TAFA2: variants seen among roughly 807,000 people sequenced by gnomAD.
TAFA2 encodes chemokine-like protein TAFA-2.
Under a neutral mutation model 18.8 loss-of-function variants are expected in TAFA2, and 7 were observed. That is an observed-to-expected ratio of 0.37 (90% CI 0.21 to 0.70). The LOEUF is 0.70. Ranked by LOEUF, TAFA2 falls within the 30% of genes least tolerant of loss-of-function variation. The pLI is 0.53. For missense variants in TAFA2, 122 were observed against 158.1 expected (o/e 0.77, Z 1.23); for synonymous variants, 60 against 54.2 (o/e 1.11, Z -0.47).
At chr12:62,181,128 C>T (rs2062549035) in intron 1 of TAFA2, among the ~76,000 whole-genome samples, 1 of 152,140 alleles carries the variant, frequency 6.6e-6, no homozygotes, top group Non-Finnish European at 1.5e-5. Flanking sequence ...GGGTGTAGGT[C>T]AGAAAAACTG....
chr12:62,079,307 T>C (rs1428748931), intron 1 of TAFA2, among the ~76,000 whole-genome samples: 1 of 152,064 alleles, frequency 6.6e-6, no homozygotes, highest in Non-Finnish European at 1.5e-5. Flanking sequence ...TGCAAATTAG[T>C]TGATATTCCT....
intron 1 of TAFA2, among the ~76,000 whole-genome samples, chr12:61,908,860 C>A (rs1876481532): frequency 6.6e-6 from 1 of 152,146 alleles, no homozygotes; most frequent in African/African-American, 2.4e-5. Context: ...CAATATTTAA[C>A]TGTATGATCA....
intron 1 of TAFA2, among the ~76,000 whole-genome samples, chr12:61,912,752 C>T (rs1196912079): frequency 6.6e-6 from 1 of 152,104 alleles, no homozygotes; most frequent in Non-Finnish European, 1.5e-5. Flanking sequence ...TTTGCCTCTT[C>T]AAAAAGATTT....
At chr12:62,221,669 G>C (rs188669031) in intron 1 of TAFA2, among the ~76,000 whole-genome samples, 6 of 152,138 alleles carry the variant, frequency 3.9e-5, no homozygotes, top group Non-Finnish European at 5.9e-5. Flanking sequence ...ATTGATTCAT[G>C]AGAATCAATT....
chr12:61,917,392 T>A (rs934187355), intron 1 of TAFA2, among the ~76,000 whole-genome samples: 2 of 152,206 alleles, frequency 1.3e-5, no homozygotes, highest in Non-Finnish European at 2.9e-5. Context: ...TCCAGCTCTT[T>A]GTGTAGTATT....
chr12:61,917,635 C>T (rs1312023861), intron 1 of TAFA2, among the ~76,000 whole-genome samples: 1 of 152,056 alleles, frequency 6.6e-6, no homozygotes, highest in Non-Finnish European at 1.5e-5. Context: ...GAGTTGGTGG[C>T]TATTTGAGGG....
intron 1 of TAFA2, among the ~76,000 whole-genome samples, chr12:62,120,929 C>T (rs1870167814): frequency 6.6e-6 from 1 of 151,988 alleles, no homozygotes; most frequent in Non-Finnish European, 1.5e-5. Flanking sequence ...GATCTCGGCT[C>T]ACTGCAGCCT....
chr12:62,169,648 G>A (rs1056763529), intron 1 of TAFA2, among the ~76,000 whole-genome samples: 4 of 152,016 alleles, frequency 2.6e-5, no homozygotes, highest in African/African-American at 7.2e-5. Context: ...TCAGGAGATC[G>A]AGACCATCCT....
intron 1 of TAFA2, among the ~76,000 whole-genome samples, chr12:62,034,855 C>T (rs567484988): frequency 1.1e-3 from 166 of 152,062 alleles, no homozygotes; most frequent in Non-Finnish European, 1.6e-3. Flanking sequence ...AGAAGCAATG[C>T]TCATTAAATT....
intron 1 of TAFA2, among the ~76,000 whole-genome samples, chr12:61,897,658 A>G (rs1445530017): frequency 1.3e-5 from 2 of 152,170 alleles, no homozygotes; most frequent in Admixed American, 6.5e-5. Flanking sequence ...CCATGATCCA[A>G]TCACCTCCCA....
At chr12:61,875,826 G>A (rs1295116451) in intron 1 of TAFA2, among the ~76,000 whole-genome samples, 4 of 151,564 alleles carry the variant, frequency 2.6e-5, no homozygotes, top group Admixed American at 6.6e-5. Context: ...TGAAACAGGT[G>A]GTAGGAGACA....
chr12:62,242,932 T>C (rs950184320), intron 1 of TAFA2, among the ~76,000 whole-genome samples: 1 of 152,242 alleles, frequency 6.6e-6, no homozygotes, highest in Non-Finnish European at 1.5e-5. Flanking sequence ...AAAAACATTT[T>C]GTTAACAAAA....
rs903937125 is a variant in TAFA2 at position 61,989,532 on chromosome 12, C to T, written c.-1-122106G>A. ...TCCTTACCAAACCTCTCAGCACCAC[C>T]CTTGCCACTGCCTTCCCCATTCAGA... is the stretch of plus-strand genomic sequence containing the variant. On this transcript the variant is annotated intron_variant, in intron 1 of 4. Transcript: ENST00000416284. Among the ~76,000 whole-genome samples, 3 of 152,130 alleles carry T rather than the reference C, an allele frequency of 2.0e-5. No individual in the cohort carries two copies. In the South Asian group the frequency reaches 6.2e-4, roughly 32 times the overall value.
intron 1 of TAFA2, among the ~76,000 whole-genome samples, chr12:62,215,694 T>TGCTTAAGAGAAACAACTTGTTTCTCTG (rs2062732036): frequency 1.4e-5 from 2 of 147,288 alleles, no homozygotes; most frequent in African/African-American, 2.5e-5. Flanking sequence ...TTGTTTCTCT[T>TGCTTAAGAGAAACAACTTGTTTCTCTG]GCTTAAGAGA....
At chr12:61,766,505 C>A (rs1004224843) in intron 2 of TAFA2, among the ~76,000 whole-genome samples, 2 of 152,056 alleles carry the variant, frequency 1.3e-5, no homozygotes, top group African/African-American at 4.8e-5. Context: ...TGTTACTTAG[C>A]CCGTTAGGTA....
chr12:62,128,649 C>T (rs1299715994), intron 1 of TAFA2, among the ~76,000 whole-genome samples: 2 of 151,992 alleles, frequency 1.3e-5, no homozygotes, highest in Admixed American at 6.6e-5. Flanking sequence ...CATAGCTGTG[C>T]AGGATGGCAA....
chr12:62,138,944 A>C (rs1435049038), intron 1 of TAFA2, among the ~76,000 whole-genome samples: 1 of 152,200 alleles, frequency 6.6e-6, no homozygotes, highest in African/African-American at 2.4e-5. Context: ...AATAGATTTC[A>C]TGCCACCCAG....
At chr12:62,246,273 A>G (rs1357636270) in intron 1 of TAFA2, among the ~76,000 whole-genome samples, 1 of 152,202 alleles carries the variant, frequency 6.6e-6, no homozygotes, top group Admixed American at 6.5e-5. Flanking sequence ...AGCGTGAGCC[A>G]CCGTGCCCGG....
chr12:61,775,809 G>GT (rs1271708625), intron 2 of TAFA2: 1 of 161,550 alleles, frequency 6.2e-6, no homozygotes, highest in African/African-American at 2.4e-5. Context: ...GAATGTAGAG[G>GT]TAAGCCGAAA....
Sources: gnomAD v4.1 joint callset for allele counts (sites outside exome capture counted in the v4.1 genomes callset) on GRCh38, gnomAD v4.1.1 for gene constraint, MANE v1.5 for transcripts, NCBI Gene and HGNC (gene_info 2026-07-23, HGNC 2026-07-21) for gene names.